Variants in DNAJC3 observed in about 807,000 individuals in gnomAD.
DNAJC3 encodes dnaJ homolog subfamily C member 3.
Under a neutral mutation model 68.6 loss-of-function variants are expected in DNAJC3, and 38 were observed. The ratio of observed to expected loss-of-function variants is 0.55; its 90% CI spans 0.43 to 0.73. DNAJC3 has a LOEUF of 0.73. Ranked by LOEUF, DNAJC3 falls within the 30% of genes least tolerant of loss-of-function variation. The pLI is 0.00. For missense variants in DNAJC3, 526 were observed against 591.9 expected (o/e 0.89, Z 1.16); for synonymous variants, 203 against 204.0 (o/e 1.00, Z 0.04).
At position 95,741,506 on chromosome 13, in the gene DNAJC3, A is replaced by G. The variant is rs570243687; in HGVS notation, c.394-16138A>G. Among the ~76,000 whole-genome samples the G allele has an allele frequency of 1.8e-3, 281 of 152,242 alleles. 2 individuals are homozygous for G. Among genetic ancestry groups the G allele is most frequent in the African/African-American group, 6.5e-3 (269 of 41,542 alleles). On this transcript the variant is annotated intron_variant, in intron 4 of 11. Transcript: ENST00000602402. The stretch of plus-strand genomic sequence containing the variant: ...GGGCTTCAAGGTGGCGTATGCTGGC[A>G]TTTATGTTAGTGGGTCCACGTGGAC...
intron 10 of DNAJC3, 40 bp from the exon 11 acceptor site, chr13:95,786,967 C>T: frequency 6.3e-7 from 1 of 1,580,360 alleles, no homozygotes; most frequent in Non-Finnish European, 8.6e-7. Flanking sequence ...GTATGTTAGA[C>T]ACTTTTCCAC....
At chr13:95,714,293 G>A (rs1222781003) in intron 2 of DNAJC3, among the ~76,000 whole-genome samples, 2 of 151,996 alleles carry the variant, frequency 1.3e-5, no homozygotes, top group African/African-American at 2.4e-5. Flanking sequence ...CACTCAGGAG[G>A]CTGAGGCGGG....
At chr13:95,768,298 C>T (rs1251343837) in intron 9 of DNAJC3, among the ~76,000 whole-genome samples, 3 of 152,118 alleles carry the variant, frequency 2.0e-5, no homozygotes, top group East Asian at 3.9e-4. Context: ...AGAAAATGCT[C>T]AGCAACATCT....
intron 4 of DNAJC3, among the ~76,000 whole-genome samples, chr13:95,740,244 G>C (rs986648821): frequency 1.8e-4 from 28 of 152,242 alleles, no homozygotes; most frequent in Non-Finnish European, 3.2e-4. Flanking sequence ...TAAGTCTTCA[G>C]AGGTTACTGC....
intron 4 of DNAJC3, among the ~76,000 whole-genome samples, chr13:95,740,543 C>T (rs1449235954): frequency 6.6e-6 from 1 of 152,194 alleles, no homozygotes; most frequent in Non-Finnish European, 1.5e-5. Context: ...GTCGGAAAAG[C>T]GCAGTATTCG....
At chr13:95,741,594 T>G (rs1882146577) in intron 4 of DNAJC3, among the ~76,000 whole-genome samples, 1 of 151,864 alleles carries the variant, frequency 6.6e-6, no homozygotes, top group South Asian at 2.1e-4. Flanking sequence ...ATTGGACAGG[T>G]GGGTGGGTCC....
At chr13:95,778,915 CTG>C (rs1265370734) in intron 9 of DNAJC3, among the ~76,000 whole-genome samples, 3 of 152,068 alleles carry the variant, frequency 2.0e-5, no homozygotes, top group African/African-American at 7.2e-5. Flanking sequence ...ATATTTGACT[CTG>C]TAAACATTAA....
chr13:95,768,710 C>T (rs1208892631), intron 9 of DNAJC3, among the ~76,000 whole-genome samples: 2 of 152,132 alleles, frequency 1.3e-5, no homozygotes, highest in African/African-American at 4.8e-5. Flanking sequence ...CACGGTGGCT[C>T]ATGCCTGTAA....
chr13:95,690,400 C>T (rs1180137322), intron 1 of DNAJC3, among the ~76,000 whole-genome samples: 23 of 151,206 alleles, frequency 1.5e-4, no homozygotes, highest in Admixed American at 7.9e-4. Flanking sequence ...TACACAGACA[C>T]GGCAACCATC....
In DNAJC3 at chr13:95,792,212, T is replaced by A. The variant is rs369481789; in HGVS notation, c.*1182T>A. The A allele has an allele frequency of 6.6e-6, 1 of 152,270 alleles. No individual in the cohort carries two copies. The highest frequency in any genetic ancestry group is 2.4e-5 in the African/African-American group (1 of 41,474). 9.4% of individuals were successfully genotyped at this position (152,270 alleles called of 1,614,324 possible). ...TAAGATGGCATCTCCTCTTGAGATA[T>A]GTTCTTCTTACCTTTTAAGAAGATA... On this transcript the variant is annotated 3_prime_UTR_variant, in exon 12 of 12. Coordinates refer to ENST00000602402, the MANE Select transcript of DNAJC3 (RefSeq NM_006260.5).
chr13:95,783,892 A>G (rs9561954), intron 9 of DNAJC3, among the ~76,000 whole-genome samples: 8,514 of 152,264 alleles, frequency 0.056, 356 homozygotes, highest in East Asian at 0.19. Context: ...CCAGAGTCCC[A>G]GCTAGTGTGC....
intron 4 of DNAJC3, among the ~76,000 whole-genome samples, chr13:95,739,571 A>C (rs917433695): frequency 6.6e-6 from 1 of 151,618 alleles, no homozygotes; most frequent in African/African-American, 2.4e-5. Flanking sequence ...CATTTCATTC[A>C]TTTCATCTTC....
At chr13:95,709,121 A>T in intron 1 of DNAJC3, 106 bp from the exon 2 acceptor site, 1 of 742,392 alleles carries the variant, frequency 1.3e-6, no homozygotes, top group Non-Finnish European at 2.0e-6. Context: ...GACTTTTCTC[A>T]TCTGAGTAGA....
chr13:95,777,931 A>T (rs1308189076), intron 9 of DNAJC3, among the ~76,000 whole-genome samples: 1 of 152,248 alleles, frequency 6.6e-6, no homozygotes, highest in Non-Finnish European at 1.5e-5. Context: ...AAATTTTTTT[A>T]AATTGAAATT....
intron 9 of DNAJC3, among the ~76,000 whole-genome samples, chr13:95,777,198 C>T (rs1318587668): frequency 1.3e-5 from 2 of 152,174 alleles, no homozygotes; most frequent in Non-Finnish European, 2.9e-5. Context: ...CACCCCTGTG[C>T]CATGTATCTC....
intron 1 of DNAJC3, among the ~76,000 whole-genome samples, chr13:95,685,781 CCA>C (rs1880058983): frequency 6.6e-6 from 1 of 151,726 alleles, no homozygotes. Context: ...TTCTTCACCT[CCA>C]TGCTAACATC....
At chr13:95,741,342 G>T (rs780975623) in intron 4 of DNAJC3, among the ~76,000 whole-genome samples, 2 of 152,146 alleles carry the variant, frequency 1.3e-5, no homozygotes, top group African/African-American at 4.8e-5. Flanking sequence ...AGTGTCAGTG[G>T]TATCTGTGAT....
chr13:95,780,853 T>C (rs2139692938), intron 9 of DNAJC3, among the ~76,000 whole-genome samples: 1 of 152,312 alleles, frequency 6.6e-6, no homozygotes, highest in Admixed American at 6.5e-5. Context: ...CGCGTCACAG[T>C]GCTAACTATG....
Position 95,788,885 on chromosome 13 carries a change from A to T in DNAJC3, c.1357+1730A>T, listed in dbSNP as rs1247562961. On this transcript the variant is annotated intron_variant, in intron 11 of 11. Transcript: ENST00000602402. ...CATTAGCTTTTATAAAACAAAGCTG[A>T]GTTTCAGATCACCTACAATACCCGC... Among the ~76,000 whole-genome samples, 5 of 152,326 alleles carry T rather than the reference A, an allele frequency of 3.3e-5. No homozygotes were observed. In the East Asian group the frequency reaches 7.7e-4, roughly 24 times the overall value.
Sources: allele counts gnomAD v4.1 joint callset (sites outside exome capture counted in the v4.1 genomes callset), GRCh38; gene constraint gnomAD v4.1.1; transcripts MANE v1.5; gene names NCBI Gene and HGNC (gene_info 2026-07-23, HGNC 2026-07-21).